Variants in SLC30A8 observed in about 807,000 individuals in gnomAD.
The protein encoded by SLC30A8 is proton-coupled zinc antiporter SLC30A8.
In SLC30A8, 27 loss-of-function variants were observed where a neutral mutation model predicts 36.9. That is an observed-to-expected ratio of 0.73 (90% CI 0.54 to 1.01). The LOEUF is 1.01. SLC30A8 is among the 50% of genes least tolerant of loss of function. The probability of loss-of-function intolerance (pLI) is 0.00; values close to 1 mark genes in which losing one functional copy is unlikely to be tolerated. For synonymous variants in SLC30A8, 164 were observed against 172.4 expected (o/e 0.95, Z 0.38); for missense variants, 439 against 452.0 (o/e 0.97, Z 0.26).
rs77264393 is a variant in SLC30A8 at position 117,060,431 on chromosome 8, C to T, written c.-226+21173C>T. Among the ~76,000 whole-genome samples, 546 of 152,012 alleles carry T rather than the reference C, an allele frequency of 3.6e-3. 8 individuals are homozygous for T. The East Asian group carries it at 0.064, about 18-fold the overall frequency. On this transcript the variant is annotated intron_variant, in intron 2 of 10. Transcript: ENST00000427715. ...GAATGAGAAATAAAGGAGGAGAGGA[C>T]GGCATGAGAGTGGCAGTAAAAACCC...
At chr8:117,138,442 G>A (rs992781457) in intron 1 of SLC30A8, among the ~76,000 whole-genome samples, 6 of 152,042 alleles carry the variant, frequency 3.9e-5, no homozygotes, top group Non-Finnish European at 2.9e-5. Context: ...AGCTCAGTAT[G>A]ATGAGAGCTC....
chr8:117,090,963 A>G (rs1264147591), intron 2 of SLC30A8, among the ~76,000 whole-genome samples: 2 of 152,220 alleles, frequency 1.3e-5, no homozygotes, highest in Non-Finnish European at 2.9e-5. Flanking sequence ...GTAGGTGTTC[A>G]TAAAATATGT....
intron 2 of SLC30A8, among the ~76,000 whole-genome samples, chr8:117,124,663 AAG>A (rs1820829181): frequency 6.6e-6 from 1 of 151,776 alleles, no homozygotes. Flanking sequence ...AAAAAAAAAA[AAG>A]ATTAGAAAAT....
chr8:117,095,330 A>G (rs1819310475), intron 2 of SLC30A8, among the ~76,000 whole-genome samples: 1 of 152,174 alleles, frequency 6.6e-6, no homozygotes, highest in Non-Finnish European at 1.5e-5. Context: ...CTAGTTAGTA[A>G]TAATAGTAAC....
intron 2 of SLC30A8, among the ~76,000 whole-genome samples, chr8:117,048,270 G>T (rs532331519): frequency 6.6e-6 from 1 of 152,152 alleles, no homozygotes; most frequent in Non-Finnish European, 1.5e-5. Context: ...CAGTGGGACT[G>T]ATCAGGCTGG....
chr8:117,064,819 G>A (rs1360260420), intron 2 of SLC30A8, among the ~76,000 whole-genome samples: 1 of 152,186 alleles, frequency 6.6e-6, no homozygotes, highest in African/African-American at 2.4e-5. Context: ...GAAGAGGAGG[G>A]GAGAGAAATA....
chr8:117,165,177 TCTC>T (rs1459359891), intron 6 of SLC30A8, among the ~76,000 whole-genome samples: 1 of 152,092 alleles, frequency 6.6e-6, no homozygotes, highest in Non-Finnish European at 1.5e-5. Context: ...CCTCAGACAA[TCTC>T]CTCTGAACTT....
chr8:117,128,713 A>C (rs1171867083), intron 2 of SLC30A8, among the ~76,000 whole-genome samples: 3 of 152,064 alleles, frequency 2.0e-5, no homozygotes, highest in African/African-American at 4.8e-5. Flanking sequence ...TTTAGCAAGA[A>C]ATAACTTCTC....
At chr8:116,978,568 CT>C (rs1410632548) in intron 1 of SLC30A8, among the ~76,000 whole-genome samples, 1 of 152,092 alleles carries the variant, frequency 6.6e-6, no homozygotes. Flanking sequence ...ATTGCTTGCT[CT>C]TTTTTTCCCT....
At chr8:117,088,355 A>T (rs1484970462) in intron 2 of SLC30A8, among the ~76,000 whole-genome samples, 1 of 152,206 alleles carries the variant, frequency 6.6e-6, no homozygotes, top group Non-Finnish European at 1.5e-5. Flanking sequence ...AGTACAATGC[A>T]GATGCCCAGG....
upstream of SLC30A8, among the ~76,000 whole-genome samples, chr8:117,133,872 T>A (rs1821240960): frequency 6.6e-6 from 1 of 151,810 alleles, no homozygotes; most frequent in Non-Finnish European, 1.5e-5. Flanking sequence ...AGGAAAAGGC[T>A]CCCCCAGAGC....
At chr8:116,955,489 G>A (rs2035515689) in intron 1 of SLC30A8, among the ~76,000 whole-genome samples, 1 of 152,082 alleles carries the variant, frequency 6.6e-6, no homozygotes, top group South Asian at 2.1e-4. Context: ...CAGCACTTTG[G>A]GAGGCTGAGG....
rs1436399602 is a variant in SLC30A8, at chr8:117,174,037, T to TTA, written c.*1358_*1359dup. ...AAAGAAGACTAGGCACAAGGCACAC[T>TTA]TATGTTTGTCTGTTAGCTTTTAGTT... is the stretch of plus-strand genomic sequence containing the variant. On this transcript the variant is annotated 3_prime_UTR_variant, in exon 8 of 8. Coordinates refer to ENST00000456015, the MANE Select transcript of SLC30A8 (RefSeq NM_173851.3). The TTA allele has an allele frequency of 6.6e-6, 1 of 152,150 alleles. No homozygotes were observed. The highest frequency in any genetic ancestry group is 1.5e-5 in the Non-Finnish European group (1 of 68,022). 9.4% of individuals were successfully genotyped at this position (152,150 alleles called of 1,614,324 possible). A position where few individuals can be genotyped will look rare whatever the true frequency, so the allele number is the denominator to read the frequency against.
chr8:117,123,356 A>G (rs1820762596), intron 2 of SLC30A8, among the ~76,000 whole-genome samples: 1 of 152,032 alleles, frequency 6.6e-6, no homozygotes, highest in Admixed American at 6.6e-5. Context: ...AGACATCAGA[A>G]TGAGACTAAT....
intron 2 of SLC30A8, among the ~76,000 whole-genome samples, chr8:117,121,697 A>G (rs7006515): frequency 0.056 from 8,495 of 152,038 alleles, 632 homozygotes; most frequent in African/African-American, 0.17. Flanking sequence ...ACACTGCAAC[A>G]TGGATGAACC....
At chr8:117,123,953 C>T (rs1319742214) in intron 2 of SLC30A8, among the ~76,000 whole-genome samples, 1 of 151,968 alleles carries the variant, frequency 6.6e-6, no homozygotes, top group Admixed American at 6.6e-5. Context: ...CCTCTCATCT[C>T]TCACCCTTGG....
chr8:117,131,915 A>C (rs1821154346), upstream of SLC30A8, among the ~76,000 whole-genome samples: 1 of 152,004 alleles, frequency 6.6e-6, no homozygotes, highest in Non-Finnish European at 1.5e-5. Context: ...AACTTGTTCA[A>C]GGTCACATAT....
rs914538019 is a variant in SLC30A8 at position 117,075,382 on chromosome 8, T to A, written c.-226+36124T>A. 2.6e-5 allele frequency among the ~76,000 whole-genome samples: 4 copies of A among 152,030 alleles called. No individual in the cohort carries two copies. The East Asian group carries it at 7.7e-4, about 29-fold the overall frequency. On this transcript the variant is annotated intron_variant, in intron 2 of 10. Coordinates refer to the SLC30A8 transcript ENST00000427715. Reference sequence around the variant, plus strand: ...ACTTTTCAATATACTTGACTGATTCTTTCTTTATCATTCTTTTATGAAAAT... The same window carrying A: ...ACTTTTCAATATACTTGACTGATTCATTCTTTATCATTCTTTTATGAAAAT...
intron 2 of SLC30A8, among the ~76,000 whole-genome samples, chr8:117,127,421 G>A (rs1412307556): frequency 1.3e-5 from 2 of 152,062 alleles, no homozygotes; most frequent in Admixed American, 6.6e-5. Flanking sequence ...GATCTGCAGT[G>A]TAGAGCAACA....
Sources: allele counts gnomAD v4.1 joint callset (sites outside exome capture counted in the v4.1 genomes callset), GRCh38; gene constraint gnomAD v4.1.1; transcripts MANE v1.5; gene names NCBI Gene and HGNC (gene_info 2026-07-23, HGNC 2026-07-21).